The following ZNF407 variants were observed in gnomAD, a reference collection of about 807,000 sequenced individuals.
The protein encoded by ZNF407 is zinc finger protein 407.
In ZNF407, 17 loss-of-function variants were observed where a neutral mutation model predicts 131.2. The observed-to-expected ratio is 0.13, with a 90% CI of 0.09 to 0.19. The LOEUF is 0.19. ZNF407 is among the 10% of genes least tolerant of loss of function. ZNF407 has a pLI of 1.00. For synonymous variants in ZNF407, 1,156 were observed against 1,062.0 expected (o/e 1.09, Z -1.72); for missense variants, 2,681 against 2,830.6 (o/e 0.95, Z 1.20).
At chr18:74,940,395 G>A (rs1972083840) in intron 8 of ZNF407, among the ~76,000 whole-genome samples, 1 of 152,172 alleles carries the variant, frequency 6.6e-6, no homozygotes, top group Non-Finnish European at 1.5e-5. Context: ...CACTGGGGTG[G>A]GGCTGGCCCA....
chr18:74,643,074 T>C (rs756487848), intron 3 of ZNF407, among the ~76,000 whole-genome samples: 12 of 152,094 alleles, frequency 7.9e-5, no homozygotes, highest in South Asian at 2.1e-4. Flanking sequence ...AAAAGTATCA[T>C]AGGTTGTTCC....
chr18:74,977,727 C>G (rs191689512), intron 8 of ZNF407, among the ~76,000 whole-genome samples: 60 of 150,784 alleles, frequency 4.0e-4, no homozygotes, highest in African/African-American at 1.3e-3. Context: ...CTGCGAGATC[C>G]CCACAGTCAG....
At chr18:74,699,239 A>C (rs564640873) in intron 3 of ZNF407, among the ~76,000 whole-genome samples, 1 of 152,220 alleles carries the variant, frequency 6.6e-6, no homozygotes, top group Admixed American at 6.5e-5. Flanking sequence ...ACTTCAGTGC[A>C]AAGTGAGCAG....
chr18:74,885,842 A>C (rs778860440), intron 6 of ZNF407, among the ~76,000 whole-genome samples: 11 of 152,204 alleles, frequency 7.2e-5, no homozygotes, highest in Non-Finnish European at 5.9e-5. Context: ...TAAATGTAAA[A>C]CTTAAAACTA....
At chr18:74,994,442 C>T (rs2122144689) in intron 8 of ZNF407, among the ~76,000 whole-genome samples, 1 of 152,258 alleles carries the variant, frequency 6.6e-6, no homozygotes, top group African/African-American at 2.4e-5. Flanking sequence ...ATGCAAATTT[C>T]CTGTGAGGAA....
At chr18:74,729,949 C>G (rs1244774293) in intron 3 of ZNF407, among the ~76,000 whole-genome samples, 1 of 152,164 alleles carries the variant, frequency 6.6e-6, no homozygotes, top group Non-Finnish European at 1.5e-5. Context: ...AAGTATTGAA[C>G]AGCTTCTTAA....
chr18:75,000,199 G>A (rs1972829360), intron 8 of ZNF407, among the ~76,000 whole-genome samples: 1 of 152,184 alleles, frequency 6.6e-6, no homozygotes, highest in Non-Finnish European at 1.5e-5. Flanking sequence ...GACGTGAGTT[G>A]GAGAGCGATG....
intron 8 of ZNF407, among the ~76,000 whole-genome samples, chr18:74,955,401 A>G (rs2145284613): frequency 6.6e-6 from 1 of 152,302 alleles, no homozygotes; most frequent in Non-Finnish European, 1.5e-5. Flanking sequence ...AATCAAAGGA[A>G]AAGTTGCAAA....
At chr18:75,004,978 GAT>G (rs1339889509) in intron 8 of ZNF407, among the ~76,000 whole-genome samples, 2 of 152,172 alleles carry the variant, frequency 1.3e-5, no homozygotes, top group East Asian at 3.9e-4. Context: ...TAGCAGCAGA[GAT>G]ATTGACAGTC....
intron 4 of ZNF407, among the ~76,000 whole-genome samples, chr18:74,848,780 A>G (rs1970737539): frequency 6.6e-6 from 1 of 152,146 alleles, no homozygotes; most frequent in Non-Finnish European, 1.5e-5. Context: ...TTTCCACAGT[A>G]TAAAGGTGAG....
chr18:74,790,280 C>A (rs1201270213), intron 4 of ZNF407, among the ~76,000 whole-genome samples: 2 of 152,062 alleles, frequency 1.3e-5, no homozygotes, highest in African/African-American at 4.8e-5. Context: ...CATTCTCTTG[C>A]CTCTTATATA....
At chr18:75,052,648 C>T (rs868026947) in intron 8 of ZNF407, among the ~76,000 whole-genome samples, 21 of 152,352 alleles carry the variant, frequency 1.4e-4, no homozygotes, top group Middle Eastern at 6.8e-3. Context: ...CAAGTGGACT[C>T]AGGCGTCAGC....
At chr18:75,001,847 G>C (rs764455878) in intron 8 of ZNF407, among the ~76,000 whole-genome samples, 1 of 152,194 alleles carries the variant, frequency 6.6e-6, no homozygotes, top group Non-Finnish European at 1.5e-5. Context: ...TCTGTCCCCC[G>C]TGAATATTTG....
chr18:74,695,430 C>T (rs1967328551), intron 3 of ZNF407, among the ~76,000 whole-genome samples: 1 of 152,006 alleles, frequency 6.6e-6, no homozygotes, highest in African/African-American at 2.4e-5. Context: ...GGTTAATGTG[C>T]ACCAGCTAAG....
chr18:75,032,675 C>T (rs1056717473), intron 8 of ZNF407, among the ~76,000 whole-genome samples: 2 of 151,108 alleles, frequency 1.3e-5, no homozygotes, highest in African/African-American at 4.9e-5. Context: ...TATTAGGTAA[C>T]TAAGACTGCT....
At chr18:74,922,495 A>G (rs1158404441) in intron 8 of ZNF407, among the ~76,000 whole-genome samples, 2 of 152,182 alleles carry the variant, frequency 1.3e-5, no homozygotes, top group Non-Finnish European at 2.9e-5. Flanking sequence ...AAAAAAGAAG[A>G]CTGTAAATAC....
At chr18:74,889,274 G>GTGTCTGTC (rs34738627) in intron 6 of ZNF407, among the ~76,000 whole-genome samples, 176 of 151,324 alleles carry the variant, frequency 1.2e-3, no homozygotes, top group African/African-American at 3.6e-3. Flanking sequence ...CTGCGTAGCT[G>GTGTCTGTC]TGTCTGTCTG....
intron 6 of ZNF407, among the ~76,000 whole-genome samples, chr18:74,885,476 G>A (rs867360553): frequency 6.6e-5 from 10 of 152,036 alleles, no homozygotes; most frequent in African/African-American, 1.4e-4. Flanking sequence ...TAAAGATACC[G>A]ACAAGCTGAT....
At chr18:74,968,027 C>G (rs1972428327) in intron 8 of ZNF407, among the ~76,000 whole-genome samples, 1 of 152,098 alleles carries the variant, frequency 6.6e-6, no homozygotes, top group African/African-American at 2.4e-5. Context: ...CCTGACTACA[C>G]TTAAATTATC....
Sources: gnomAD v4.1 joint callset for allele counts (sites outside exome capture counted in the v4.1 genomes callset) on GRCh38, gnomAD v4.1.1 for gene constraint, MANE v1.5 for transcripts, NCBI Gene and HGNC (gene_info 2026-07-23, HGNC 2026-07-21) for gene names.